The following EXOC6B variants were observed in gnomAD, a reference collection of about 807,000 sequenced individuals.
The protein encoded by EXOC6B is SEC15 homolog B.
EXOC6B carries 54 observed loss-of-function variants against 113.5 expected under a neutral mutation model. The observed-to-expected ratio is 0.48, with a 90% CI of 0.38 to 0.60. EXOC6B has a LOEUF of 0.60. EXOC6B is among the 20% of genes least tolerant of loss of function. The pLI is 0.00. For synonymous variants in EXOC6B, 357 were observed against 339.0 expected (o/e 1.05, Z -0.58); for missense variants, 797 against 977.5 (o/e 0.82, Z 2.46).
At chr2:72,224,994 G>GTGTGTGTGTATATATA (rs908047817) in intron 20 of EXOC6B, among the ~76,000 whole-genome samples, 3 of 137,248 alleles carry the variant, frequency 2.2e-5, no homozygotes, top group Non-Finnish European at 3.2e-5. Context: ...GTGTGTGTGT[G>GTGTGTGTGTATATATA]TATATATATA....
At chr2:72,736,265 G>A (rs1680951743) in intron 2 of EXOC6B, among the ~76,000 whole-genome samples, 4 of 151,428 alleles carry the variant, frequency 2.6e-5, no homozygotes. Flanking sequence ...TTATTTCAAA[G>A]AAGATAAGTG....
chr2:72,814,461 C>G (rs1195062083), intron 1 of EXOC6B, among the ~76,000 whole-genome samples: 1 of 152,176 alleles, frequency 6.6e-6, no homozygotes, highest in African/African-American at 2.4e-5. Context: ...ATCTTCAAGA[C>G]TGAATGACAA....
At chr2:72,769,403 A>G (rs545212002) in intron 1 of EXOC6B, among the ~76,000 whole-genome samples, 1 of 152,344 alleles carries the variant, frequency 6.6e-6, no homozygotes, top group South Asian at 2.1e-4. Flanking sequence ...GGAAAGGATA[A>G]ATGAAAAAGT....
In EXOC6B at chr2:72,209,683, A is replaced by C. The variant is rs548054338; in HGVS notation, c.2197-25496T>G. The stretch of plus-strand genomic sequence containing the variant: ...AGACCTATGCTTATAGCAGAAAAAA[A>C]CAAATGGCTCCTTTAAAAACTGGGC... On this transcript the variant is annotated intron_variant, in intron 20 of 21. Transcript: ENST00000272427. Among the ~76,000 whole-genome samples the C allele has an allele frequency of 1.6e-3, 248 of 152,362 alleles. 2 individuals carry two copies. Among genetic ancestry groups the C allele is most frequent in the African/African-American group, 5.8e-3 (241 of 41,580 alleles).
intron 6 of EXOC6B, among the ~76,000 whole-genome samples, chr2:72,710,012 C>G (rs1336604721): frequency 1.3e-5 from 2 of 152,082 alleles, no homozygotes; most frequent in African/African-American, 4.8e-5. Flanking sequence ...GATGTAGTTG[C>G]AATTGTTCAA....
intron 18 of EXOC6B, among the ~76,000 whole-genome samples, chr2:72,387,508 C>T (rs1692109038): frequency 6.6e-6 from 1 of 152,062 alleles, no homozygotes; most frequent in Admixed American, 6.6e-5. Context: ...TTCTTTATTA[C>T]AAATAAGCCT....
chr2:72,295,410 G>A (rs906240386), intron 20 of EXOC6B, among the ~76,000 whole-genome samples: 1 of 152,098 alleles, frequency 6.6e-6, no homozygotes, highest in African/African-American at 2.4e-5. Flanking sequence ...TTTTATAAGA[G>A]TTTTCACTTT....
chr2:72,266,431 A>G (rs948624084), intron 20 of EXOC6B, among the ~76,000 whole-genome samples: 3 of 150,868 alleles, frequency 2.0e-5, no homozygotes, highest in African/African-American at 7.3e-5. Context: ...TAATTTTTGT[A>G]TAAGGTGTAA....
intron 5 of EXOC6B, among the ~76,000 whole-genome samples, chr2:72,720,219 G>A (rs1338466130): frequency 6.6e-6 from 1 of 151,544 alleles, no homozygotes; most frequent in Non-Finnish European, 1.5e-5. Context: ...AAGCAGTAAA[G>A]GAGCAACAAA....
intron 6 of EXOC6B, among the ~76,000 whole-genome samples, chr2:72,653,598 A>ACCCC (rs57876583): frequency 6.0e-5 from 8 of 133,240 alleles, no homozygotes; most frequent in Middle Eastern, 3.2e-3. Flanking sequence ...ATTGCCAGCA[A>ACCCC]CCCCCCCCCA....
rs1437511985 is a variant in EXOC6B, at chr2:72,569,326, CACA to C, written c.846+6163_846+6165del. Among the ~76,000 whole-genome samples the C allele has an allele frequency of 1.6e-4, 15 of 93,270 alleles. No individual in the cohort carries two copies. The East Asian group carries it at 0.014, about 86-fold the overall frequency. 61.2% of individuals were successfully genotyped at this position (93,270 alleles called of 152,430 possible). A position where few individuals can be genotyped will look rare whatever the true frequency, so the allele number is the denominator to read the frequency against. On this transcript the variant is annotated intron_variant, in intron 7 of 21. Transcript: ENST00000272427. ...AGGACTATTACTTATTTTTACAAAG[CACA>C]ACATTATTTTTTTTTCACATCAGTG...
Position 72,501,815 on chromosome 2 carries a change from A to G in EXOC6B, c.1168-1843T>C, listed in dbSNP as rs568034616. On this transcript the variant is annotated intron_variant, in intron 11 of 21. Coordinates refer to ENST00000272427, the MANE Select transcript of EXOC6B (RefSeq NM_015189.3). Reference sequence around the variant, plus strand: ...CACTCTGTCACCCAGCCTGGAGTGCAGTGGCAGGATCATAGCTCACTGCAG... The same window carrying G: ...CACTCTGTCACCCAGCCTGGAGTGCGGTGGCAGGATCATAGCTCACTGCAG... Among the ~76,000 whole-genome samples the G allele has an allele frequency of 1.1e-4, 17 of 149,828 alleles. No individual in the cohort carries two copies. The South Asian group carries it at 3.6e-3, about 32-fold the overall frequency.
At chr2:72,731,542 T>C (rs1680646690) in intron 3 of EXOC6B, among the ~76,000 whole-genome samples, 1 of 152,190 alleles carries the variant, frequency 6.6e-6, no homozygotes, top group South Asian at 2.1e-4. Flanking sequence ...TTTCAACAAA[T>C]AAACCCACAC....
At chr2:72,443,662 C>T (rs548174381) in intron 18 of EXOC6B, among the ~76,000 whole-genome samples, 13 of 152,220 alleles carry the variant, frequency 8.5e-5, no homozygotes, top group African/African-American at 3.1e-4. Context: ...TGGCAGAAGG[C>T]GAAAGGCATG....
intron 1 of EXOC6B, among the ~76,000 whole-genome samples, chr2:72,770,353 G>T (rs993407189): frequency 6.6e-6 from 1 of 152,044 alleles, no homozygotes; most frequent in African/African-American, 2.4e-5. Flanking sequence ...TCAACTACAG[G>T]TCTACAATCC....
chr2:72,686,001 A>T (rs535249244), intron 6 of EXOC6B, among the ~76,000 whole-genome samples: 2 of 152,210 alleles, frequency 1.3e-5, no homozygotes, highest in Non-Finnish European at 1.5e-5. Context: ...TATAAGTAGC[A>T]GCTCTTACAA....
At chr2:72,752,455 C>T (rs1276885926) in intron 1 of EXOC6B, among the ~76,000 whole-genome samples, 1 of 151,806 alleles carries the variant, frequency 6.6e-6, no homozygotes, top group Non-Finnish European at 1.5e-5. Flanking sequence ...ACAACACAGC[C>T]CATTATTTTA....
chr2:72,607,670 T>A (rs997708325), intron 6 of EXOC6B, among the ~76,000 whole-genome samples: 2 of 152,174 alleles, frequency 1.3e-5, no homozygotes, highest in African/African-American at 4.8e-5. Context: ...TCCTTTTTAA[T>A]GGGGTTTACA....
chr2:72,647,096 A>G (rs1307268351), intron 6 of EXOC6B, among the ~76,000 whole-genome samples: 1 of 152,244 alleles, frequency 6.6e-6, no homozygotes, highest in African/African-American at 2.4e-5. Flanking sequence ...GTCTCAGGAT[A>G]CAAAATCAAT....
Sources: allele counts gnomAD v4.1 joint callset (sites outside exome capture counted in the v4.1 genomes callset), GRCh38; gene constraint gnomAD v4.1.1; transcripts MANE v1.5; gene names NCBI Gene and HGNC (gene_info 2026-07-23, HGNC 2026-07-21).